The following TIAM2 variants were observed in gnomAD, a reference collection of about 807,000 sequenced individuals.
TIAM2 encodes the protein TIAM Rac1 associated GEF 2, also known as rho guanine nucleotide exchange factor TIAM2.
TIAM2 carries 80 observed loss-of-function variants against 152.9 expected under a neutral mutation model. The ratio of observed to expected loss-of-function variants is 0.52; its 90% CI spans 0.44 to 0.63. TIAM2 has a LOEUF of 0.63. TIAM2 is among the 30% of genes least tolerant of loss of function. The pLI is 0.00. For synonymous variants in TIAM2, 804 were observed against 838.0 expected, an observed-to-expected ratio of 0.96 and a Z score of 0.70; for missense variants, 1,965 against 2,120.1, an observed-to-expected ratio of 0.93 and a Z score of 1.44.
chr6:155,174,455 C>G lies in TIAM2; in HGVS notation c.2362-2361C>G, dbSNP rs538099693. 6.6e-6 allele frequency among the ~76,000 whole-genome samples: 1 copy of G among 152,070 alleles called. No homozygotes were observed. The highest frequency in any genetic ancestry group is 1.5e-5 in the Non-Finnish European group (1 of 68,014). The stretch of plus-strand genomic sequence containing the variant: ...GCACGATCTTGGCTCACTGCAACCT[C>G]TGCCTCCCAGGTTCAAGCTGTTCTC... On this transcript the variant is annotated intron_variant, in intron 9 of 26. Transcript: ENST00000682666. The surrounding 1 kb of genome is among the most constrained non-coding windows in gnomAD (Gnocchi z 4.2).
At position 155,137,166 on chromosome 6, in the gene TIAM2, G is replaced by A. The variant is rs1779574560; in HGVS notation, c.1195-11G>A. 6.2e-7 allele frequency: 1 copy of A among 1,609,500 alleles called. No individual in the cohort carries two copies. Among genetic ancestry groups the A allele is most frequent in the Non-Finnish European group, 8.5e-7 (1 of 1,176,868 alleles). ...TAAGCTCTGATGGGTGATCATGTGT[G>A]TTTCTCACAGGAGCCGAGGTCCAAG... On this transcript the variant is annotated splice_polypyrimidine_tract_variant and intron_variant, in intron 4 of 26. Coordinates refer to ENST00000682666, the MANE Select transcript of TIAM2 (RefSeq NM_012454.4).
intron 2 of TIAM2, among the ~76,000 whole-genome samples, chr6:155,106,798 G>A (rs1287309894): frequency 6.6e-6 from 1 of 152,244 alleles, no homozygotes; most frequent in Non-Finnish European, 1.5e-5. Flanking sequence ...CCCAACAACA[G>A]CCCAGTCATG....
chr6:155,238,891 C>T (rs1005690293), intron 15 of TIAM2, among the ~76,000 whole-genome samples: 4 of 152,156 alleles, frequency 2.6e-5, no homozygotes, highest in African/African-American at 9.7e-5. Flanking sequence ...AACTGAAAGA[C>T]TAGCCAGAGA....
intron 9 of TIAM2, among the ~76,000 whole-genome samples, chr6:155,166,733 AC>A (rs1444032456): frequency 6.6e-6 from 1 of 152,186 alleles, no homozygotes; most frequent in African/African-American, 2.4e-5. Context: ...TTCATGGTGC[AC>A]CTGTATTTCA....
At chr6:155,049,268 T>C (rs952464352) in intron 1 of TIAM2, among the ~76,000 whole-genome samples, 1 of 152,116 alleles carries the variant, frequency 6.6e-6, no homozygotes, top group Non-Finnish European at 1.5e-5. Flanking sequence ...GTGAGAGCCA[T>C]TGCTGCTTGT....
intron 14 of TIAM2, among the ~76,000 whole-genome samples, chr6:155,201,217 A>C (rs1486435557): frequency 2.0e-5 from 3 of 152,226 alleles, no homozygotes; most frequent in Non-Finnish European, 4.4e-5. Flanking sequence ...GCACTTACTG[A>C]AAAGTGTCCT....
intron 1 of TIAM2, among the ~76,000 whole-genome samples, chr6:154,996,124 G>T (rs1009105310): frequency 1.3e-5 from 2 of 152,214 alleles, no homozygotes; most frequent in African/African-American, 4.8e-5. Context: ...GCCCCTAATG[G>T]ATCCTATTTA....
At chr6:155,170,645 T>C in intron 9 of TIAM2, among the ~76,000 whole-genome samples, 1 of 152,300 alleles carries the variant, frequency 6.6e-6, no homozygotes, top group Non-Finnish European at 1.5e-5. Flanking sequence ...ACACTTCCTA[T>C]TAACAGAGTT....
Position 155,183,232 on chromosome 6 carries a change from C to G in TIAM2, c.2801-5C>G, listed in dbSNP as rs1442959400. The G allele has an allele frequency of 1.2e-6, 2 of 1,605,742 alleles. No homozygotes were observed. The highest frequency in any genetic ancestry group is 1.7e-6 in the Non-Finnish European group (2 of 1,176,122). On this transcript the variant is annotated splice_polypyrimidine_tract_variant and splice_region_variant and intron_variant, in intron 13 of 26. Transcript: ENST00000682666. ...TTTTTTCTGTTTCTCCTTCCTTTTTCTCAGGGCTGAGAAAGGGCAATGAGA... is the reference window on the plus strand; with the variant it reads ...TTTTTTCTGTTTCTCCTTCCTTTTTGTCAGGGCTGAGAAAGGGCAATGAGA...
chr6:155,249,993 G>A lies in TIAM2; in HGVS notation c.3951+24G>A, dbSNP rs749085614. 3.2e-6 allele frequency: 5 copies of A among 1,580,452 alleles called. No homozygotes were observed. In the South Asian group the frequency reaches 5.6e-5, roughly 18 times the overall value. On this transcript the variant is annotated intron_variant, in intron 21 of 26. Transcript: ENST00000682666. ...AGGTCCGTGAGACATCTGCACCCTG[G>A]GAGCCTAGTGCATGTGGTGTGGGGT...
intron 1 of TIAM2, among the ~76,000 whole-genome samples, chr6:155,000,538 A>AT (rs1778295638): frequency 6.6e-6 from 1 of 151,382 alleles, no homozygotes; most frequent in South Asian, 2.1e-4. Context: ...GCAAAAAAAA[A>AT]AAAAAAAAAA....
chr6:155,248,594 AG>A (rs1010533850), intron 20 of TIAM2, among the ~76,000 whole-genome samples: 4 of 152,250 alleles, frequency 2.6e-5, no homozygotes, highest in African/African-American at 9.6e-5. Context: ...TTGTTGGGTG[AG>A]GCTCCACCTT....
chr6:155,052,057 C>G (rs963265529), intron 1 of TIAM2, among the ~76,000 whole-genome samples: 1 of 152,066 alleles, frequency 6.6e-6, no homozygotes, highest in African/African-American at 2.4e-5. Context: ...AGGTAGCTTC[C>G]AAAACTCACC....
In TIAM2 at chr6:155,144,624, A is replaced by G; in HGVS notation, c.1649A>G (p.Tyr550Cys). The stretch of plus-strand genomic sequence containing the variant: ...TTCACAGGATGCACGCTGCTGTTTT[A>G]TGAGACCTATGGGAAGAATTCCATG... ...VTLKGCTLLF[Y>C]ETYGKNSMDQ... Residue 550 changes from tyrosine (Y) to cysteine (C), a missense_variant, in exon 6 of 27, where the codon TAT becomes TGT. Coordinates refer to ENST00000682666, the MANE Select transcript of TIAM2 (RefSeq NM_012454.4). The G allele has an allele frequency of 6.5e-7, 1 of 1,547,314 alleles. No individual in the cohort carries two copies. The highest frequency in any genetic ancestry group is 1.3e-5 in the South Asian group (1 of 78,496).
At chr6:155,000,455 C>T (rs535952267) in intron 1 of TIAM2, among the ~76,000 whole-genome samples, 13 of 141,224 alleles carry the variant, frequency 9.2e-5, no homozygotes, top group South Asian at 2.4e-4. Context: ...CACTTGAACC[C>T]GGGAGGCAGA....
At chr6:155,081,165 C>T (rs1301168731) in intron 1 of TIAM2, among the ~76,000 whole-genome samples, 2 of 152,156 alleles carry the variant, frequency 1.3e-5, no homozygotes, top group Non-Finnish European at 2.9e-5. Context: ...TCATTTGTGG[C>T]AGCCTATAGC....
In TIAM2 at chr6:155,129,127, G is replaced by A; in HGVS notation, c.-6-91G>A. 8.3e-7 allele frequency: 1 copy of A among 1,211,664 alleles called. No homozygotes were observed. The highest frequency in any genetic ancestry group is 1.5e-5 in the South Asian group (1 of 68,048). The allele number at this position is 1,211,664 out of a possible 1,614,324, so 75.1% of individuals were successfully genotyped here. Reference sequence around the variant, plus strand: ...TCCTTCCAGGCACTGAAGTTGCTGTGTAATATGCAGGGCATTCTTTTTAGA... The same window carrying A: ...TCCTTCCAGGCACTGAAGTTGCTGTATAATATGCAGGGCATTCTTTTTAGA... On this transcript the variant is annotated intron_variant, in intron 3 of 26. Coordinates refer to ENST00000682666, the MANE Select transcript of TIAM2 (RefSeq NM_012454.4). This position sits in a 1 kb window ranked among gnomAD's most constrained non-coding sequence, Gnocchi z 4.8.
At chr6:155,253,889 A>G in intron 24 of TIAM2, 84 bp from the exon 25 acceptor site, 1 of 995,432 alleles carries the variant, frequency 1.0e-6, no homozygotes, top group South Asian at 1.6e-5. Context: ...TTCTTAACTG[A>G]TGAGATTTCA....
At chr6:155,256,054 G>A in intron 26 of TIAM2, 1 of 210,146 alleles carries the variant, frequency 4.8e-6, no homozygotes, top group Non-Finnish European at 9.5e-6. Context: ...TTTTAATTGA[G>A]CAGCAAGGGA....
Sources: gnomAD v4.1 joint callset for allele counts (sites outside exome capture counted in the v4.1 genomes callset) on GRCh38, gnomAD v4.1.1 for gene constraint, Gnocchi (gnomAD v3.1) non-coding constraint, MANE v1.5 for transcripts, NCBI Gene and HGNC (gene_info 2026-07-23, HGNC 2026-07-21) for gene names.